Variants in TNR observed in about 807,000 individuals in gnomAD.
TNR encodes the protein tenascin R.
A neutral mutation model predicts 150.4 loss-of-function variants in TNR; 45 were observed. That is an observed-to-expected ratio of 0.30 (90% CI 0.24 to 0.38). TNR has a LOEUF of 0.38. Among genes scored for constraint, TNR ranks in the 10% least tolerant of loss-of-function variants. TNR has a pLI of 1.00. For missense variants in TNR, 1,544 were observed against 1,759.1 expected, an observed-to-expected ratio of 0.88 and a Z score of 2.19; for synonymous variants, 687 against 678.4, an observed-to-expected ratio of 1.01 and a Z score of -0.20.
chr1:175,441,851 G>GAACATTA (rs1655800517), intron 2 of TNR, among the ~76,000 whole-genome samples: 2 of 152,296 alleles, frequency 1.3e-5, no homozygotes, highest in Admixed American at 1.3e-4. Context: ...CATGAGGAAA[G>GAACATTA]GCTTCTTAAA....
chr1:175,701,961 G>A (rs915440053), intron 1 of TNR, among the ~76,000 whole-genome samples: 1 of 152,184 alleles, frequency 6.6e-6, no homozygotes, highest in Admixed American at 6.5e-5. Flanking sequence ...TTTGGCAGTC[G>A]ATTTATAGTG....
chr1:175,697,662 T>C (rs1666572454), intron 1 of TNR, among the ~76,000 whole-genome samples: 1 of 152,200 alleles, frequency 6.6e-6, no homozygotes. Flanking sequence ...TGGGTTTCCA[T>C]GATCTAATTA....
chr1:175,451,204 GT>G (rs11289379), intron 2 of TNR, among the ~76,000 whole-genome samples: 18,329 of 128,700 alleles, frequency 0.14, 2,433 homozygotes, highest in African/African-American at 0.37. Context: ...CACCTGGTTA[GT>G]TTTTTTTTTT....
At chr1:175,362,574 A>G in intron 14 of TNR, 89 bp downstream of exon 14, 2 of 1,518,220 alleles carry the variant, frequency 1.3e-6, no homozygotes, top group Admixed American at 3.7e-5. Flanking sequence ...ATGGAGCCTT[A>G]GCCTCCAGAA....
chr1:175,439,123 T>A (rs1453151000), intron 2 of TNR, among the ~76,000 whole-genome samples: 3 of 152,180 alleles, frequency 2.0e-5, no homozygotes, highest in Non-Finnish European at 4.4e-5. Flanking sequence ...GACGTCAAAC[T>A]ATACTACAAG....
rs558877753 is a variant in TNR at position 175,634,797 on chromosome 1, T to C, written c.-164-106428A>G. On this transcript the variant is annotated intron_variant, in intron 1 of 22. Coordinates refer to ENST00000367674, the MANE Select transcript of TNR (RefSeq NM_003285.3). Reference sequence around the variant, plus strand: ...CCCAAGTTGCCACTCCTAATCGATATGCTTTTTTGATAAACCACACTGTCT... The same window carrying C: ...CCCAAGTTGCCACTCCTAATCGATACGCTTTTTTGATAAACCACACTGTCT... Among the ~76,000 whole-genome samples, 9 of 152,318 alleles carry C rather than the reference T, an allele frequency of 5.9e-5. 1 individual carries two copies. In the South Asian group the frequency reaches 1.9e-3, roughly 32 times the overall value.
Position 175,535,616 on chromosome 1 carries a change from A to G in TNR, c.-164-7247T>C, listed in dbSNP as rs184239045. Among the ~76,000 whole-genome samples the G allele has an allele frequency of 5.1e-3, 747 of 146,566 alleles. 4 individuals are homozygous for G. Among genetic ancestry groups the G allele is most frequent in the Admixed American group, 7.8e-3 (116 of 14,824 alleles). On this transcript the variant is annotated intron_variant, in intron 1 of 22. Transcript: ENST00000367674. ...GCTGGGACTATAGGCACTCGCCAAC[A>G]TGCCCGGCTAATTTTTTTTTTTTTT... is the stretch of plus-strand genomic sequence containing the variant.
intron 1 of TNR, among the ~76,000 whole-genome samples, chr1:175,637,658 A>G (rs1664527959): frequency 1.3e-5 from 2 of 152,344 alleles, no homozygotes; most frequent in East Asian, 1.9e-4. Flanking sequence ...TTAAGGGGCC[A>G]AAATAATCCA....
At chr1:175,444,489 G>A (rs954519916) in intron 2 of TNR, among the ~76,000 whole-genome samples, 24 of 152,330 alleles carry the variant, frequency 1.6e-4, no homozygotes, top group Admixed American at 1.5e-3. Context: ...TGTGCTCAGA[G>A]CTTCCTGAGC....
At chr1:175,549,941 T>C (rs1462632040) in intron 1 of TNR, among the ~76,000 whole-genome samples, 2 of 152,188 alleles carry the variant, frequency 1.3e-5, no homozygotes, top group Non-Finnish European at 2.9e-5. Flanking sequence ...AGGAAAACTG[T>C]GAGATAGTTA....
In TNR at chr1:175,741,839, G is replaced by A. The variant is rs141848941; in HGVS notation, c.-165+1387C>T. On this transcript the variant is annotated intron_variant, in intron 1 of 22. Transcript: ENST00000367674. ...ATAAGACAAAGAATCACCATTCTAG[G>A]GTCCATTTGGGGTTGGAAAGAGTGA... 1.1e-4 allele frequency among the ~76,000 whole-genome samples: 16 copies of A among 152,266 alleles called. No homozygotes were observed. The East Asian group carries it at 2.9e-3, about 28-fold the overall frequency.
At chr1:175,738,989 T>C (rs187996360) in intron 1 of TNR, among the ~76,000 whole-genome samples, 5 of 152,322 alleles carry the variant, frequency 3.3e-5, no homozygotes, top group Admixed American at 1.3e-4. Context: ...CGTTCAACTT[T>C]GTATTTCTGT....
intron 1 of TNR, among the ~76,000 whole-genome samples, chr1:175,741,780 T>C (rs1242020106): frequency 1.3e-5 from 2 of 152,184 alleles, no homozygotes; most frequent in African/African-American, 4.8e-5. Context: ...ATTTTCTTCA[T>C]CTTGGAGAAG....
rs556921233 is a variant in TNR, at chr1:175,324,489, G to T, written c.3824C>A (p.Pro1275His). 6.2e-7 allele frequency: 1 copy of T among 1,614,040 alleles called. No individual in the cohort carries two copies. The highest frequency in any genetic ancestry group is 1.1e-5 in the South Asian group (1 of 91,066). Residue 1275 changes from proline to histidine, a missense_variant, in exon 22 of 23, where the codon CCT becomes CAT. Pro to His is a moderately conservative substitution (Grantham distance 77). Transcript: ENST00000367674. ...ATTGTCTCTATCCTCTGTGGAGAAA[G>T]GGCGTCCTTGATGATAGCTGAGGGA... ...GDSLSYHQGR[P>H]FSTEDRDNDV...
intron 14 of TNR, among the ~76,000 whole-genome samples, chr1:175,360,475 A>C (rs1214603104): frequency 2.6e-5 from 4 of 152,196 alleles, no homozygotes; most frequent in Admixed American, 2.6e-4. Context: ...TCATCTTCCT[A>C]GTCTTACTTG....
At chr1:175,356,505 C>G in intron 15 of TNR, 43 bp from the exon 16 acceptor site, 1 of 1,609,232 alleles carries the variant, frequency 6.2e-7, no homozygotes, top group Non-Finnish European at 8.5e-7. Context: ...TAAGGCTACT[C>G]AGTTTAGGAA....
At chr1:175,534,779 C>T (rs181685104) in intron 1 of TNR, among the ~76,000 whole-genome samples, 41 of 152,284 alleles carry the variant, frequency 2.7e-4, no homozygotes, top group Non-Finnish European at 4.6e-4. Flanking sequence ...TCTGTGTCCC[C>T]ACCCAAATCT....
chr1:175,419,210 G>A (rs1418261495), intron 2 of TNR, among the ~76,000 whole-genome samples: 2 of 152,084 alleles, frequency 1.3e-5, no homozygotes, highest in Non-Finnish European at 2.9e-5. Flanking sequence ...GTTAAAAGGG[G>A]TGCCAATGGA....
chr1:175,331,166 C>T (rs57646611), intron 20 of TNR, among the ~76,000 whole-genome samples: 4,417 of 34,060 alleles, frequency 0.13, 247 homozygotes, highest in Non-Finnish European at 0.17. Context: ...TTTTTCTTTC[C>T]TTCCTTCCTT....
Sources: gnomAD v4.1 joint callset for allele counts (sites outside exome capture counted in the v4.1 genomes callset) on GRCh38, gnomAD v4.1.1 for gene constraint, MANE v1.5 for transcripts, NCBI Gene and HGNC (gene_info 2026-07-23, HGNC 2026-07-21) for gene names.